The following STXBP5 variants were observed in gnomAD, a reference collection of about 807,000 sequenced individuals.
STXBP5 encodes syntaxin-binding protein 5.
Under a neutral mutation model 152.4 loss-of-function variants are expected in STXBP5, and 50 were observed. The ratio of observed to expected loss-of-function variants is 0.33; its 90% CI spans 0.26 to 0.42. The LOEUF (loss-of-function observed/expected upper bound fraction) is 0.42, where lower values mean the gene tolerates loss of function less well. STXBP5 is among the 10% of genes least tolerant of loss of function. The probability of loss-of-function intolerance (pLI) is 1.00; values close to 1 mark genes in which losing one functional copy is unlikely to be tolerated. For missense variants in STXBP5, 1,167 were observed against 1,388.6 expected (o/e 0.84, Z 2.54); for synonymous variants, 492 against 494.7 (o/e 0.99, Z 0.07).
At chr6:147,320,552 AGTGTGT>A (rs71552971) in intron 16 of STXBP5, among the ~76,000 whole-genome samples, 29 of 85,034 alleles carry the variant, frequency 3.4e-4, no homozygotes, top group South Asian at 7.2e-4. Context: ...TGCTAATTTG[AGTGTGT>A]GTGTGTGTGT....
intron 8 of STXBP5, among the ~76,000 whole-genome samples, chr6:147,290,341 G>C (rs1034494196): frequency 1.3e-5 from 2 of 152,204 alleles, no homozygotes; most frequent in Admixed American, 6.5e-5. Context: ...AGCTGTGAAA[G>C]AGGGTAAGAG....
At chr6:147,362,468 A>G (rs1038963176) in intron 23 of STXBP5, among the ~76,000 whole-genome samples, 4 of 152,194 alleles carry the variant, frequency 2.6e-5, no homozygotes, top group Non-Finnish European at 5.9e-5. Context: ...ATAGGGGGAA[A>G]GGGTACCATT....
intron 9 of STXBP5, chr6:147,292,253 T>TTTGTTGAGATCCAACAAATAAATATCTG: frequency 2.2e-6 from 1 of 453,412 alleles, no homozygotes; most frequent in Non-Finnish European, 4.4e-6. Context: ...CTTTTTAGGG[T>TTTGTTGAGATCCAACAAATAAATATCTG]TTGTTGAGAT....
intron 4 of STXBP5, among the ~76,000 whole-genome samples, chr6:147,240,699 G>A (rs1291663785): frequency 6.6e-6 from 1 of 152,140 alleles, no homozygotes; most frequent in Non-Finnish European, 1.5e-5. Context: ...TAAGAAGTGT[G>A]AACTTAAAGT....
chr6:147,310,180 A>G lies in STXBP5; in HGVS notation c.1014A>G (p.Leu338=), dbSNP rs1366575382. ...TGCATGGGAAAAGCACTGCTGTGCT[A>G]GAAATGGACTATTCAATTGTTGATT... ...TVMHGKSTAV[L]EMDYSIVDFL... Residue 338 remains leucine (L), a synonymous_variant, in exon 10 of 28, where the codon CTA becomes CTG. Transcript: ENST00000321680. 1 of 1,605,134 alleles carries G rather than the reference A, an allele frequency of 6.2e-7. No individual in the cohort carries two copies.
intron 9 of STXBP5, among the ~76,000 whole-genome samples, chr6:147,300,011 T>C (rs1291495650): frequency 6.6e-6 from 1 of 152,104 alleles, no homozygotes; most frequent in Non-Finnish European, 1.5e-5. Flanking sequence ...CATTTCTATA[T>C]GCTAATAGTG....
chr6:147,263,082 T>G (rs921927144), intron 6 of STXBP5, among the ~76,000 whole-genome samples: 12 of 151,950 alleles, frequency 7.9e-5, no homozygotes, highest in Admixed American at 7.2e-4. Context: ...TGCAGGAGTT[T>G]AACCAGGGTT....
At chr6:147,342,741 A>C (rs1182052928) in intron 21 of STXBP5, among the ~76,000 whole-genome samples, 1 of 152,152 alleles carries the variant, frequency 6.6e-6, no homozygotes, top group Non-Finnish European at 1.5e-5. Flanking sequence ...TTTTTAATTT[A>C]TATAAAATAG....
At chr6:147,295,432 G>A (rs943805820) in intron 9 of STXBP5, among the ~76,000 whole-genome samples, 3 of 152,118 alleles carry the variant, frequency 2.0e-5, no homozygotes, top group African/African-American at 7.2e-5. Context: ...GAGGTGCCTG[G>A]TGTTAATCAC....
Position 147,205,371 on chromosome 6 carries a change from CATATAT to C in STXBP5, c.151-578_151-573del, listed in dbSNP as rs66619063. Among the ~76,000 whole-genome samples, 235 of 141,758 alleles carry C rather than the reference CATATAT, an allele frequency of 1.7e-3. 1 individual carries two copies. Among genetic ancestry groups the C allele is most frequent in the Middle Eastern group, 7.4e-3 (2 of 272 alleles). The allele number at this position is 141,758 out of a possible 152,430, so 93.0% of individuals were successfully genotyped here. On this transcript the variant is annotated intron_variant, in intron 1 of 27. Coordinates refer to ENST00000321680, the MANE Select transcript of STXBP5 (RefSeq NM_001127715.4). ...TATGTCAGAGTTAATTAAAAGTGTG[CATATAT>C]ATATATATATATATATATATAGGTC...
intron 7 of STXBP5, among the ~76,000 whole-genome samples, chr6:147,268,089 G>A (rs1779981382): frequency 6.6e-6 from 1 of 152,098 alleles, no homozygotes; most frequent in Non-Finnish European, 1.5e-5. Context: ...TTTCCATGAT[G>A]ACCAATTTAT....
At chr6:147,213,950 A>G (rs1777028647) in intron 2 of STXBP5, among the ~76,000 whole-genome samples, 1 of 152,190 alleles carries the variant, frequency 6.6e-6, no homozygotes, top group Non-Finnish European at 1.5e-5. Flanking sequence ...AAACAAAGTG[A>G]TTACTGACAT....
chr6:147,313,749 T>A (rs1782496866), intron 11 of STXBP5, 135 bp from the exon 12 acceptor site: 5 of 602,796 alleles, frequency 8.3e-6, no homozygotes, highest in Non-Finnish European at 1.3e-5. Context: ...CTTCCATTTT[T>A]AAATATATTT....
intron 2 of STXBP5, among the ~76,000 whole-genome samples, chr6:147,216,217 C>A (rs1191812105): frequency 6.6e-6 from 1 of 152,030 alleles, no homozygotes. Flanking sequence ...CATGGTGAAA[C>A]CCCGTCTCTA....
intron 25 of STXBP5, among the ~76,000 whole-genome samples, chr6:147,369,982 G>C (rs1785469428): frequency 6.6e-6 from 1 of 151,730 alleles, no homozygotes; most frequent in South Asian, 2.1e-4. Context: ...ATTTGTAATA[G>C]CCAAAAACTG....
At chr6:147,257,910 C>G (rs1779451986) in intron 4 of STXBP5, among the ~76,000 whole-genome samples, 1 of 152,140 alleles carries the variant, frequency 6.6e-6, no homozygotes. Context: ...CCCCTGAAGT[C>G]ACTTACACAA....
chr6:147,250,356 G>T (rs748838223), intron 4 of STXBP5, among the ~76,000 whole-genome samples: 2 of 152,036 alleles, frequency 1.3e-5, no homozygotes, highest in African/African-American at 4.8e-5. Context: ...ATATCTGTAG[G>T]TTGTGTATCC....
chr6:147,242,700 T>C (rs556641659), intron 4 of STXBP5, among the ~76,000 whole-genome samples: 1 of 152,326 alleles, frequency 6.6e-6, no homozygotes, highest in South Asian at 2.1e-4. Flanking sequence ...TTAGGAGCAA[T>C]AGGCTGTACT....
chr6:147,263,649 T>C (rs1234910208), intron 6 of STXBP5, among the ~76,000 whole-genome samples: 2 of 152,098 alleles, frequency 1.3e-5, no homozygotes, highest in South Asian at 2.1e-4. Flanking sequence ...CAAATAGTTG[T>C]ATTTTCAGTT....
Sources: gnomAD v4.1 joint callset for allele counts (sites outside exome capture counted in the v4.1 genomes callset) on GRCh38, gnomAD v4.1.1 for gene constraint, MANE v1.5 for transcripts, NCBI Gene and HGNC (gene_info 2026-07-23, HGNC 2026-07-21) for gene names.